Variants in PYGL observed in about 807,000 individuals in gnomAD.
PYGL encodes the protein glycogen phosphorylase L.
Under a neutral mutation model 100.1 loss-of-function variants are expected in PYGL, and 90 were observed. The ratio of observed to expected loss-of-function variants is 0.90; its 90% CI spans 0.76 to 1.07. The LOEUF (loss-of-function observed/expected upper bound fraction) is 1.07. Among genes scored for constraint, PYGL ranks in the 50% least tolerant of loss-of-function variants. The probability of loss-of-function intolerance (pLI) is 0.00; values close to 1 mark genes in which losing one functional copy is unlikely to be tolerated. For synonymous variants in PYGL, 373 were observed against 393.0 expected (o/e 0.95, Z 0.60); for missense variants, 1,016 against 1,057.6 (o/e 0.96, Z 0.55).
chr14:50,905,421 T>C lies in PYGL; in HGVS notation c.2515A>G (p.Asn839Asp). 1 of 1,613,730 alleles carries C rather than the reference T, an allele frequency of 6.2e-7. No individual in the cohort carries two copies. The highest frequency in any genetic ancestry group is 8.5e-7 in the Non-Finnish European group (1 of 1,179,590). Residue 839 changes from asparagine (N) to aspartate (D), a missense_variant, in exon 20 of 20, where the codon AAT becomes GAT. By Grantham distance (23) the Asn-to-Asp change is conservative. Transcript: ENST00000216392. ...EPSDLKISLS[N>D]ESNKVNGN ...TTTCCATTGACTTTGTTAGATTCATTGGATAGAGAAATCTTTAGATCTGAA... is the reference window on the plus strand; with the variant it reads ...TTTCCATTGACTTTGTTAGATTCATCGGATAGAGAAATCTTTAGATCTGAA...
chr14:50,914,255 G>T (rs946440216), intron 12 of PYGL, among the ~76,000 whole-genome samples: 2 of 152,160 alleles, frequency 1.3e-5, no homozygotes, highest in African/African-American at 4.8e-5. Context: ...CAGCACTTTG[G>T]GAGGCCAAGG....
intron 4 of PYGL, 124 bp from the exon 5 acceptor site, chr14:50,924,224 T>C: frequency 8.7e-7 from 1 of 1,147,038 alleles, no homozygotes; most frequent in Non-Finnish European, 1.2e-6. Context: ...CTGAGTACTG[T>C]TTTGTAACTT....
chr14:50,909,283 A>T (rs1238718807), intron 17 of PYGL, among the ~76,000 whole-genome samples: 1 of 152,232 alleles, frequency 6.6e-6, no homozygotes, highest in Non-Finnish European at 1.5e-5. Flanking sequence ...ACATTGTATT[A>T]AGTAGATCAG....
intron 10 of PYGL, 147 bp downstream of exon 10, chr14:50,915,678 C>G (rs2050440249): frequency 7.1e-7 from 1 of 1,402,152 alleles, no homozygotes; most frequent in Admixed American, 2.0e-5. Context: ...TTTCAAAAAG[C>G]TGCCTTTGTT....
intron 13 of PYGL, 143 bp from the exon 14 acceptor site, chr14:50,912,446 C>A (rs1050371489): frequency 4.1e-6 from 4 of 975,494 alleles, no homozygotes; most frequent in Non-Finnish European, 3.2e-6. Flanking sequence ...GCAGCCTCCA[C>A]CTCCCACATT....
At chr14:50,941,607 G>A (rs1315301375) in intron 1 of PYGL, among the ~76,000 whole-genome samples, 6 of 152,188 alleles carry the variant, frequency 3.9e-5, no homozygotes, top group Non-Finnish European at 8.8e-5. Flanking sequence ...GAGGCCAGTC[G>A]TGGTGGCTCA....
In PYGL at chr14:50,924,050, G is replaced by C; in HGVS notation, c.579C>G (p.Ser193=). The part of the protein sequence containing the change: ...WLRYGNPWEK[S]RPEFMLPVHF... ...GCACAGGCAGCATGAATTCTGGGCGGGACTTCTCCCAAGGGTTTCCATATC... is the reference window on the plus strand; with the variant it reads ...GCACAGGCAGCATGAATTCTGGGCGCGACTTCTCCCAAGGGTTTCCATATC... Residue 193 remains serine (S), a synonymous_variant, in exon 5 of 20, where the codon TCC becomes TCG. Transcript: ENST00000216392. The C allele has an allele frequency of 1.2e-6, 2 of 1,613,538 alleles. No homozygotes were observed. The highest frequency in any genetic ancestry group is 1.7e-6 in the Non-Finnish European group (2 of 1,179,598).
chr14:50,939,742 C>T lies in PYGL; in HGVS notation c.244-1905G>A, dbSNP rs2050688045. Among the ~76,000 whole-genome samples, 5 of 151,816 alleles carry T rather than the reference C, an allele frequency of 3.3e-5. No homozygotes were observed. In the South Asian group the frequency reaches 1.0e-3, roughly 32 times the overall value. On this transcript the variant is annotated intron_variant, in intron 1 of 19. Transcript: ENST00000216392. ...TCAAATTTTAGGGATTGCCCCATTTCCATAAGATAAGAAGTAAAAAAAGAA... is the reference window on the plus strand; with the variant it reads ...TCAAATTTTAGGGATTGCCCCATTTTCATAAGATAAGAAGTAAAAAAAGAA...
intron 2 of PYGL, among the ~76,000 whole-genome samples, chr14:50,936,325 G>A (rs1245311238): frequency 6.6e-6 from 1 of 152,174 alleles, no homozygotes; most frequent in East Asian, 1.9e-4. Context: ...CATGGCACCT[G>A]TTTGGATTCC....
At chr14:50,926,633 A>G (rs952879336) in intron 4 of PYGL, among the ~76,000 whole-genome samples, 3 of 149,756 alleles carry the variant, frequency 2.0e-5, no homozygotes, top group African/African-American at 7.4e-5. Flanking sequence ...GGCTGAGGCA[A>G]AAGAATCACT....
chr14:50,930,677 G>C (rs1374184119), intron 4 of PYGL, among the ~76,000 whole-genome samples: 1 of 152,114 alleles, frequency 6.6e-6, no homozygotes, highest in East Asian at 1.9e-4. Flanking sequence ...CATTCTCATA[G>C]GGTTATCTTC....
At chr14:50,922,885 T>A (rs1240474936) in intron 5 of PYGL, among the ~76,000 whole-genome samples, 1 of 152,232 alleles carries the variant, frequency 6.6e-6, no homozygotes, top group Non-Finnish European at 1.5e-5. Flanking sequence ...ATATGTCACT[T>A]GCACTTCTCA....
At chr14:50,908,976 G>C in intron 17 of PYGL, 21 bp from the exon 18 acceptor site, 1 of 1,559,828 alleles carries the variant, frequency 6.4e-7, no homozygotes. Context: ...GGGGTGGGTG[G>C]GTGATAAAAA....
chr14:50,911,673 C>T (rs2050398930), intron 16 of PYGL, 57 bp downstream of exon 16: 11 of 1,601,818 alleles, frequency 6.9e-6, no homozygotes, highest in Admixed American at 3.3e-5. Context: ...ATCTTTCATA[C>T]CATGTAATCT....
intron 19 of PYGL, 86 bp downstream of exon 19, chr14:50,908,185 C>A (rs1249098806): frequency 3.8e-6 from 4 of 1,058,946 alleles, no homozygotes; most frequent in Non-Finnish European, 2.9e-6. Flanking sequence ...ACATGGGGAT[C>A]TGATATTTGC....
rs987573828 is a variant in PYGL at position 50,913,710 on chromosome 14, G to A, written c.1519-580C>T. 8.6e-5 allele frequency among the ~76,000 whole-genome samples: 13 copies of A among 151,840 alleles called. No homozygotes were observed. In the South Asian group the frequency reaches 2.5e-3, roughly 29 times the overall value. On this transcript the variant is annotated intron_variant, in intron 12 of 19. Transcript: ENST00000216392. ...TTTATTTTTATTTAATTTTTTTGGC[G>A]ACAGGATCTCACCCTGTCACCCAGG...
intron 1 of PYGL, among the ~76,000 whole-genome samples, chr14:50,939,080 G>A (rs1412605899): frequency 6.6e-6 from 1 of 151,784 alleles, no homozygotes; most frequent in South Asian, 2.1e-4. Context: ...TCCCTCTGTC[G>A]GCCAGGCTGG....
chr14:50,936,652 T>G (rs2050655365), intron 2 of PYGL, among the ~76,000 whole-genome samples: 2 of 152,002 alleles, frequency 1.3e-5, no homozygotes, highest in South Asian at 4.1e-4. Flanking sequence ...CTACTAAAAA[T>G]ACAGAAATGA....
chr14:50,915,078 G>A lies in PYGL; in HGVS notation c.1403+258C>T, dbSNP rs1232363814. 4 of 619,796 alleles carry A rather than the reference G, an allele frequency of 6.5e-6. No homozygotes were observed. In the East Asian group the frequency reaches 8.3e-5, roughly 13 times the overall value. 38.4% of individuals were successfully genotyped at this position (619,796 alleles called of 1,614,324 possible). A position where few individuals can be genotyped will look rare whatever the true frequency, so the allele number is the denominator to read the frequency against. ...TGACATATATACTACACTTTCAGTA[G>A]AATAGTTTTTGGTATTTTGTTTGTT... On this transcript the variant is annotated intron_variant, in intron 11 of 19. Coordinates refer to ENST00000216392, the MANE Select transcript of PYGL (RefSeq NM_002863.5).
Sources: allele counts gnomAD v4.1 joint callset (sites outside exome capture counted in the v4.1 genomes callset), GRCh38; gene constraint gnomAD v4.1.1; transcripts MANE v1.5; gene names NCBI Gene and HGNC (gene_info 2026-07-23, HGNC 2026-07-21).